The following FBXL2 variants were observed in gnomAD, a reference collection of about 807,000 sequenced individuals.
The protein encoded by FBXL2 is F-box and leucine rich repeat protein 2, also known as F-box/LRR-repeat protein 2.
A neutral mutation model predicts 69.2 loss-of-function variants in FBXL2; 38 were observed. The observed-to-expected ratio is 0.55, with a 90% confidence interval of 0.42 to 0.72. The LOEUF (loss-of-function observed/expected upper bound fraction) is 0.72. FBXL2 is among the 30% of genes least tolerant of loss of function. FBXL2 has a pLI of 0.00. For synonymous variants in FBXL2, 192 were observed against 201.3 expected, an observed-to-expected ratio of 0.95 and a Z score of 0.39; for missense variants, 354 against 520.3, an observed-to-expected ratio of 0.68 and a Z score of 3.11.
intron 4 of FBXL2, among the ~76,000 whole-genome samples, chr3:33,360,857 T>C (rs2041561308): frequency 6.6e-6 from 1 of 151,652 alleles, no homozygotes; most frequent in Non-Finnish European, 1.5e-5. Context: ...TGGTTCTTCA[T>C]GTCTCCTCAA....
chr3:33,327,566 C>T (rs2038799577), intron 2 of FBXL2, among the ~76,000 whole-genome samples: 1 of 151,968 alleles, frequency 6.6e-6, no homozygotes, highest in Non-Finnish European at 1.5e-5. Flanking sequence ...AATCAAAAGT[C>T]AACTAGCTCA....
chr3:33,400,940 G>A, intron 12 of FBXL2: 1 of 1,591,678 alleles, frequency 6.3e-7, no homozygotes, highest in South Asian at 1.2e-5. Flanking sequence ...GCATCAGATA[G>A]TTTTAGGAGA....
At chr3:33,349,743 T>C (rs530252461) in intron 2 of FBXL2, among the ~76,000 whole-genome samples, 13 of 152,204 alleles carry the variant, frequency 8.5e-5, no homozygotes, top group Non-Finnish European at 1.8e-4. Flanking sequence ...TTTTCTTTAC[T>C]TTAGTGACTT....
At chr3:33,370,092 A>T (rs906937308) in intron 5 of FBXL2, among the ~76,000 whole-genome samples, 3 of 152,126 alleles carry the variant, frequency 2.0e-5, no homozygotes, top group African/African-American at 7.2e-5. Context: ...ATGTCTAAAA[A>T]AATCTGTTTT....
intron 5 of FBXL2, chr3:33,372,601 T>G: frequency 6.0e-6 from 1 of 166,372 alleles, no homozygotes; most frequent in Non-Finnish European, 1.3e-5. Flanking sequence ...GTAAAATGAG[T>G]GGGTCTTGAT....
rs2044176356 is a variant in FBXL2 at position 33,400,340 on chromosome 3, A to C, written n.1215-2894A>C. The C allele has an allele frequency of 4.4e-6, 6 of 1,374,350 alleles. No homozygotes were observed. The East Asian group carries it at 1.5e-4, about 35-fold the overall frequency. 85.1% of individuals were successfully genotyped at this position (1,374,350 alleles called of 1,614,324 possible). A position where few individuals can be genotyped will look rare whatever the true frequency, so the allele number is the denominator to read the frequency against. On this transcript the variant is annotated intron_variant and non_coding_transcript_variant, in intron 12 of 12. Coordinates refer to the FBXL2 transcript ENST00000463736. ...GAACCATTCAGACTTAGAACATTTA[A>C]ACAAAACACAGAAAGCCTCGGAGTC...
Position 33,342,708 on chromosome 3 carries a change from CTTCTTT to C in FBXL2, c.66-16256_66-16251del, listed in dbSNP as rs1419874415. On this transcript the variant is annotated intron_variant, in intron 2 of 14. Transcript: ENST00000484457. ...TTAGATTCTTGCAAAACAAATATAA[CTTCTTT>C]TTTTTTTTTTTTTTTTTTTTTTTTT... Among the ~76,000 whole-genome samples the C allele has an allele frequency of 4.4e-4, 33 of 74,306 alleles. 2 individuals carry two copies. The highest frequency in any genetic ancestry group is 1.6e-3 in the African/African-American group (31 of 18,924). The allele number at this position is 74,306 out of a possible 152,430, so 48.7% of individuals were successfully genotyped here.
intron 12 of FBXL2, among the ~76,000 whole-genome samples, chr3:33,402,318 A>G (rs142608542): frequency 1.1e-4 from 16 of 152,348 alleles, no homozygotes; most frequent in African/African-American, 3.6e-4. Context: ...TTCCATTTCT[A>G]AAACCACAGC....
intron 2 of FBXL2, among the ~76,000 whole-genome samples, chr3:33,334,609 AATAGGGC>A (rs2039428329): frequency 6.6e-6 from 1 of 152,198 alleles, no homozygotes; most frequent in South Asian, 2.1e-4. Context: ...GAAGAGAAAG[AATAGGGC>A]ATACAAGTGT....
intron 13 of FBXL2, among the ~76,000 whole-genome samples, chr3:33,380,386 GTC>G (rs2042960985): frequency 6.6e-6 from 1 of 151,548 alleles, no homozygotes; most frequent in African/African-American, 2.4e-5. Context: ...GAGAAACCCT[GTC>G]TCTACTAAAA....
intron 2 of FBXL2, among the ~76,000 whole-genome samples, chr3:33,334,211 A>G (rs2125834807): frequency 6.6e-6 from 1 of 152,378 alleles, no homozygotes; most frequent in South Asian, 2.1e-4. Context: ...AAAATAGTCA[A>G]TGTAGTCTGA....
intron 12 of FBXL2, among the ~76,000 whole-genome samples, chr3:33,395,759 A>G (rs1467552974): frequency 6.6e-6 from 1 of 150,376 alleles, no homozygotes; most frequent in Non-Finnish European, 1.5e-5. Flanking sequence ...TGAAAAAAAA[A>G]AAAAAAAAAA....
intron 2 of FBXL2, among the ~76,000 whole-genome samples, chr3:33,311,548 G>C (rs952145932): frequency 6.6e-6 from 1 of 151,492 alleles, no homozygotes; most frequent in Non-Finnish European, 1.5e-5. Flanking sequence ...TCTTTATTCT[G>C]CTTGATCAAG....
chr3:33,350,441 T>C (rs1317212882), intron 2 of FBXL2, among the ~76,000 whole-genome samples: 1 of 151,762 alleles, frequency 6.6e-6, no homozygotes, highest in South Asian at 2.1e-4. Context: ...TAATTTTTTT[T>C]TTTTTTTTAA....
chr3:33,334,971 C>T (rs1197960113), intron 2 of FBXL2, among the ~76,000 whole-genome samples: 1 of 151,960 alleles, frequency 6.6e-6, no homozygotes, highest in Non-Finnish European at 1.5e-5. Flanking sequence ...CATGGTGGTG[C>T]ATACCTGTGG....
intron 2 of FBXL2, among the ~76,000 whole-genome samples, chr3:33,339,417 T>C (rs552239886): frequency 6.6e-6 from 1 of 152,194 alleles, no homozygotes; most frequent in Non-Finnish European, 1.5e-5. Context: ...TGGTTGCAGC[T>C]GGAGGCCATT....
At chr3:33,331,239 G>GA (rs1315106138) in intron 2 of FBXL2, among the ~76,000 whole-genome samples, 2 of 147,742 alleles carry the variant, frequency 1.4e-5, no homozygotes, top group South Asian at 2.2e-4. Flanking sequence ...AGCATAAATA[G>GA]AAAAAATGGT....
intron 2 of FBXL2, among the ~76,000 whole-genome samples, chr3:33,337,251 C>G (rs902108927): frequency 2.0e-5 from 3 of 151,904 alleles, no homozygotes; most frequent in African/African-American, 7.3e-5. Context: ...TGTGAAAGGA[C>G]AGAGAAGACA....
At chr3:33,385,384 TCTA>T (rs2043359131) in intron 14 of FBXL2, 114 bp from the exon 15 acceptor site, 1 of 918,694 alleles carries the variant, frequency 1.1e-6, no homozygotes, top group Non-Finnish European at 1.8e-6. Flanking sequence ...TAGCATAAAT[TCTA>T]CTTCAACTAA....
Sources: gnomAD v4.1 joint callset for allele counts (sites outside exome capture counted in the v4.1 genomes callset) on GRCh38, gnomAD v4.1.1 for gene constraint, MANE v1.5 for transcripts, NCBI Gene and HGNC (gene_info 2026-07-23, HGNC 2026-07-21) for gene names.